Variants in NRP1 observed in about 807,000 individuals in gnomAD.
NRP1 encodes the protein neuropilin 1, also known as neuropilin-1.
A neutral mutation model predicts 106.7 loss-of-function variants in NRP1; 35 were observed. The ratio of observed to expected loss-of-function variants is 0.33; its 90% CI spans 0.25 to 0.43. NRP1 has a LOEUF of 0.43. Among genes scored for constraint, NRP1 ranks in the 20% least tolerant of loss-of-function variants. NRP1 has a pLI of 1.00. For synonymous variants in NRP1, 437 were observed against 417.9 expected (o/e 1.05, Z -0.56); for missense variants, 1,024 against 1,170.4 (o/e 0.87, Z 1.83).
In NRP1 at chr10:33,177,505, T is replaced by C. The variant is rs1325955660; in HGVS notation, c.*2571A>G. 1 of 152,688 alleles carries C rather than the reference T, an allele frequency of 6.5e-6. No homozygotes were observed. The highest frequency in any genetic ancestry group is 2.4e-5 in the African/African-American group (1 of 41,472). The allele number at this position is 152,688 out of a possible 1,614,324, so 9.5% of individuals were successfully genotyped here. A position where few individuals can be genotyped will look rare whatever the true frequency, so the allele number is the denominator to read the frequency against. On this transcript the variant is annotated 3_prime_UTR_variant, in exon 17 of 17. Transcript: ENST00000374867. ...AAGCCATCAGGTGTGGGATATTTTA[T>C]GAAAATGTTTAATTCAACTGTTTCT...
In NRP1 at chr10:33,256,296, C is replaced by T; in HGVS notation, c.814+20G>A. ...ATTGAGTATTTACCACAGGGCTTTGCAAAATGAATAAACACTGACCTTCTG... is the reference window on the plus strand; with the variant it reads ...ATTGAGTATTTACCACAGGGCTTTGTAAAATGAATAAACACTGACCTTCTG... On this transcript the variant is annotated intron_variant, in intron 5 of 16. Transcript: ENST00000374867. The T allele has an allele frequency of 6.2e-7, 1 of 1,612,438 alleles. No individual in the cohort carries two copies. The highest frequency in any genetic ancestry group is 1.1e-5 in the South Asian group (1 of 91,030).
chr10:33,180,935 A>G (rs1208719053), intron 16 of NRP1, among the ~76,000 whole-genome samples: 1 of 152,224 alleles, frequency 6.6e-6, no homozygotes, highest in African/African-American at 2.4e-5. Flanking sequence ...ATTTTTTAGA[A>G]CAAGAGAATG....
chr10:33,233,812 C>T (rs1485031921), intron 6 of NRP1, among the ~76,000 whole-genome samples: 1 of 152,132 alleles, frequency 6.6e-6, no homozygotes, highest in African/African-American at 2.4e-5. Flanking sequence ...ACTCAAAGAG[C>T]TGTTTAATTC....
At chr10:33,277,941 A>G (rs1843831186) in intron 2 of NRP1, among the ~76,000 whole-genome samples, 1 of 152,040 alleles carries the variant, frequency 6.6e-6, no homozygotes, top group South Asian at 2.1e-4. Context: ...TGTGAGACAT[A>G]TGTCTTTGAT....
intron 9 of NRP1, among the ~76,000 whole-genome samples, chr10:33,211,015 C>T (rs1838259984): frequency 6.6e-6 from 1 of 152,132 alleles, no homozygotes; most frequent in Non-Finnish European, 1.5e-5. Context: ...TTTTCAGTAT[C>T]ATAGGAAGAT....
At chr10:33,220,668 A>T (rs905717556) in intron 8 of NRP1, among the ~76,000 whole-genome samples, 1 of 152,198 alleles carries the variant, frequency 6.6e-6, no homozygotes, top group Non-Finnish European at 1.5e-5. Flanking sequence ...AGGCTGAGGC[A>T]TGTGGATCAC....
intron 13 of NRP1, among the ~76,000 whole-genome samples, 153 bp downstream of exon 13, chr10:33,192,128 A>G (rs1318777072): frequency 6.6e-6 from 1 of 152,130 alleles, no homozygotes; most frequent in Non-Finnish European, 1.5e-5. Context: ...GGAAAGAGAC[A>G]TTGTTAATTC....
At chr10:33,287,645 T>C (rs1371500102) in intron 2 of NRP1, among the ~76,000 whole-genome samples, 2 of 152,144 alleles carry the variant, frequency 1.3e-5, no homozygotes, top group Non-Finnish European at 2.9e-5. Context: ...GATAAGACCA[T>C]GGGTTTCACA....
chr10:33,253,969 C>T (rs1842031240), intron 6 of NRP1, 59 bp downstream of exon 6: 1 of 1,495,422 alleles, frequency 6.7e-7, no homozygotes, highest in Admixed American at 2.3e-5. Context: ...TTTCAACAAC[C>T]TCTCTAGATG....
At chr10:33,251,343 C>G (rs982089218) in intron 6 of NRP1, among the ~76,000 whole-genome samples, 1 of 152,182 alleles carries the variant, frequency 6.6e-6, no homozygotes, top group African/African-American at 2.4e-5. Context: ...AAACCTCTTT[C>G]CTTTATAAAT....
At chr10:33,275,178 G>A (rs532791158) in intron 2 of NRP1, among the ~76,000 whole-genome samples, 4 of 152,180 alleles carry the variant, frequency 2.6e-5, no homozygotes, top group Non-Finnish European at 4.4e-5. Flanking sequence ...TGTATGAAAA[G>A]TCTTAAAAGA....
Position 33,213,699 on chromosome 10 carries a change from A to T in NRP1, c.1301T>A (p.Met434Lys). 2 of 1,595,072 alleles carry T rather than the reference A, an allele frequency of 1.3e-6. No homozygotes were observed. Among genetic ancestry groups the T allele is most frequent in the African/African-American group, 2.7e-5 (2 of 74,548 alleles). The change falls in exon 9 of 17, where the codon ATG becomes AAG. Residue 434 changes from methionine (M) to lysine (K), a missense_variant. Physicochemically the swap from Met to Lys is moderately conservative, Grantham distance 95. Coordinates refer to ENST00000374867, the MANE Select transcript of NRP1 (RefSeq NM_003873.7). ...AATAAGTCCAGACACCATACCCAAC[A>T]TTCCAGAGCAAGGATAATCTGGGAA... The part of the protein sequence containing the change: ...CKITDYPCSG[M>K]LGMVSGLISD...
chr10:33,251,837 A>G (rs1407519143), intron 6 of NRP1, among the ~76,000 whole-genome samples: 1 of 152,108 alleles, frequency 6.6e-6, no homozygotes, highest in Non-Finnish European at 1.5e-5. Flanking sequence ...ATGGGACTAC[A>G]TTACTGATAC....
chr10:33,234,535 G>C (rs1002686405), intron 6 of NRP1, among the ~76,000 whole-genome samples: 1 of 152,082 alleles, frequency 6.6e-6, no homozygotes, highest in African/African-American at 2.4e-5. Flanking sequence ...TTTAAAGTTA[G>C]CACTGGCCAC....
At chr10:33,270,341 T>TTC (rs1843215814) in intron 3 of NRP1, among the ~76,000 whole-genome samples, 1 of 151,860 alleles carries the variant, frequency 6.6e-6, no homozygotes, top group Admixed American at 6.6e-5. Flanking sequence ...TTTTTTTTTT[T>TTC]TTTGAGACAG....
At chr10:33,193,397 C>G (rs1836550114) in intron 12 of NRP1, among the ~76,000 whole-genome samples, 1 of 152,182 alleles carries the variant, frequency 6.6e-6, no homozygotes, top group Non-Finnish European at 1.5e-5. Flanking sequence ...AAAAAAAATT[C>G]TAAAGATGAA....
At chr10:33,224,395 A>T (rs1401947080) in intron 7 of NRP1, among the ~76,000 whole-genome samples, 1 of 151,924 alleles carries the variant, frequency 6.6e-6, no homozygotes, top group African/African-American at 2.4e-5. Flanking sequence ...AATAGCCCGT[A>T]TGGTTTTTTT....
At chr10:33,309,815 A>C (rs1846441219) in intron 2 of NRP1, among the ~76,000 whole-genome samples, 1 of 152,174 alleles carries the variant, frequency 6.6e-6, no homozygotes, top group Admixed American at 6.5e-5. Flanking sequence ...TTAGCCAACA[A>C]GTGATTCCCA....
At chr10:33,182,151 C>G (rs567081607) in intron 16 of NRP1, among the ~76,000 whole-genome samples, 1 of 152,164 alleles carries the variant, frequency 6.6e-6, no homozygotes, top group South Asian at 2.1e-4. Context: ...CATACTAACT[C>G]TTCAATAAAT....
Sources: gnomAD v4.1 joint callset for allele counts (sites outside exome capture counted in the v4.1 genomes callset) on GRCh38, gnomAD v4.1.1 for gene constraint, MANE v1.5 for transcripts, NCBI Gene and HGNC (gene_info 2026-07-23, HGNC 2026-07-21) for gene names.